The following GMEB2 variants were observed in gnomAD, a reference collection of about 807,000 sequenced individuals.
GMEB2 encodes the protein glucocorticoid modulatory element-binding protein 2.
In GMEB2, 7 loss-of-function variants were observed where a neutral mutation model predicts 45.7. The observed-to-expected ratio is 0.15, with a 90% confidence interval of 0.09 to 0.29. The LOEUF is 0.29. Among genes scored for constraint, GMEB2 ranks in the 10% least tolerant of loss-of-function variants. The probability of loss-of-function intolerance (pLI) is 1.00; values close to 1 mark genes in which losing one functional copy is unlikely to be tolerated. For missense variants in GMEB2, 582 were observed against 739.2 expected (o/e 0.79, Z 2.47); for synonymous variants, 322 against 323.6 (o/e 1.00, Z 0.05).
At chr20:63,620,691 C>T (rs3761126) in intron 1 of GMEB2, among the ~76,000 whole-genome samples, 26,050 of 152,072 alleles carry the variant, frequency 0.17, 3,055 homozygotes, top group East Asian at 0.49. Context: ...GGCCTAAGAA[C>T]ACAGACACAG....
rs1312890335 is a variant in GMEB2 at position 63,590,677 on chromosome 20, G to A, written c.1005C>T (p.His335=). The change falls in exon 10 of 10, where the codon CAC becomes CAT. Residue 335 remains histidine, a synonymous_variant. Coordinates refer to ENST00000370077, the MANE Select transcript of GMEB2 (RefSeq NM_012384.5). ...GCACGTTGCTGAGGTGCTGGGACTT[G>A]TGCTTCAGCTCCTTGGCTCGGCGAC... ...EHRRRAKELK[H]KSQHLSNVLM... 1.3e-6 allele frequency: 2 copies of A among 1,540,840 alleles called. No individual in the cohort carries two copies. Among genetic ancestry groups the A allele is most frequent in the Admixed American group, 4.0e-5 (2 of 49,416 alleles).
At chr20:63,622,820 C>T (rs1394608028) in intron 1 of GMEB2, among the ~76,000 whole-genome samples, 1 of 152,190 alleles carries the variant, frequency 6.6e-6, no homozygotes, top group East Asian at 1.9e-4. Flanking sequence ...GAAGGAAAGA[C>T]CCATTCTCAA....
chr20:63,626,743 G>T (rs1178518776), intron 1 of GMEB2, among the ~76,000 whole-genome samples: 2 of 147,890 alleles, frequency 1.4e-5, no homozygotes, highest in East Asian at 3.9e-4. Context: ...GGCAGGAAGC[G>T]CCGCCGCCCG....
chr20:63,592,574 C>G lies in GMEB2; in HGVS notation c.788G>C (p.Gly263Ala). Residue 263 changes from glycine (G) to alanine (A), a missense_variant, in exon 8 of 10, where the codon GGC (glycine) becomes GCC (alanine). This residue lies in a region of GMEB2 where 462 missense variants were observed against 586.7 expected (regional missense o/e 0.79). Transcript: ENST00000370077. This position sits in a 1 kb window ranked among gnomAD's most constrained non-coding sequence, Gnocchi z 8.2. ...FHQELVETMR[G>A]LQQRVQDPPL... Reference sequence around the variant, plus strand: ...AGGGTCCTGGACCCGCTGCTGCAGGCCTCTCATGGTCTCCACCAGCTCCTG... The same window carrying G: ...AGGGTCCTGGACCCGCTGCTGCAGGGCTCTCATGGTCTCCACCAGCTCCTG... The G allele has an allele frequency of 6.2e-7, 1 of 1,612,270 alleles. No homozygotes were observed. The highest frequency in any genetic ancestry group is 8.5e-7 in the Non-Finnish European group (1 of 1,178,510).
chr20:63,610,797 C>T (rs2089563902), intron 2 of GMEB2, among the ~76,000 whole-genome samples: 1 of 152,202 alleles, frequency 6.6e-6, no homozygotes, highest in South Asian at 2.1e-4. Context: ...TTCATGGCTC[C>T]CTCCATCAAG....
intron 4 of GMEB2, among the ~76,000 whole-genome samples, chr20:63,598,253 C>T (rs2083214530): frequency 6.6e-6 from 1 of 152,094 alleles, no homozygotes; most frequent in Non-Finnish European, 1.5e-5. Flanking sequence ...GATGCCAGCA[C>T]ATGGGTGGAG....
In GMEB2 at chr20:63,590,463, A is replaced by G; in HGVS notation, c.1219T>C (p.Ser407Pro). 1 of 1,515,422 alleles carries G rather than the reference A, an allele frequency of 6.6e-7. No homozygotes were observed. The highest frequency in any genetic ancestry group is 8.9e-7 in the Non-Finnish European group (1 of 1,125,846). The allele number at this position is 1,515,422 out of a possible 1,614,324, so 93.9% of individuals were successfully genotyped here. The part of the protein sequence containing the change: ...PLGKVVSTLP[S>P]TVLGKGSLQA... Reference sequence around the variant, plus strand: ...AGGGAACCCTTGCCCAGGACGGTGGACGGCAGGGTGGACACCACTTTACCA... The same window carrying G: ...AGGGAACCCTTGCCCAGGACGGTGGGCGGCAGGGTGGACACCACTTTACCA... Residue 407 changes from serine to proline, a missense_variant, in exon 10 of 10, where the codon TCC becomes CCC. This residue lies in a region of GMEB2 where 462 missense variants were observed against 586.7 expected (regional missense o/e 0.79). Coordinates refer to ENST00000370077, the MANE Select transcript of GMEB2 (RefSeq NM_012384.5).
chr20:63,597,221 G>C (rs1367115104), intron 5 of GMEB2, among the ~76,000 whole-genome samples: 1 of 147,308 alleles, frequency 6.8e-6, no homozygotes, highest in East Asian at 2.0e-4. Flanking sequence ...TATTGCAGTG[G>C]CACAATCACA....
In GMEB2 at chr20:63,588,603, TG is replaced by T. The variant is rs1226343357; in HGVS notation, c.*1485del. On this transcript the variant is annotated 3_prime_UTR_variant, in exon 10 of 10. Transcript: ENST00000370077. ...GGTGAGGGCAGCCAGGACAGGGCCCTGGTGACAATGGCGCAGAGGTGGGGTC... is the reference window on the plus strand; with the variant it reads ...GGTGAGGGCAGCCAGGACAGGGCCCTGTGACAATGGCGCAGAGGTGGGGTC... 4 of 397,700 alleles carry T rather than the reference TG, an allele frequency of 1.0e-5. No individual in the cohort carries two copies. The highest frequency in any genetic ancestry group is 8.2e-5 in the African/African-American group (4 of 48,624). 24.6% of individuals were successfully genotyped at this position (397,700 alleles called of 1,614,324 possible).
At chr20:63,620,006 G>A (rs2089634573) in intron 1 of GMEB2, 1 of 152,394 alleles carries the variant, frequency 6.6e-6, no homozygotes, top group African/African-American at 2.4e-5. Context: ...GGAATGCAGT[G>A]GCACGACCTC....
At chr20:63,623,947 T>C (rs2089654527) in intron 1 of GMEB2, among the ~76,000 whole-genome samples, 2 of 149,192 alleles carry the variant, frequency 1.3e-5, no homozygotes, top group Non-Finnish European at 3.0e-5. Flanking sequence ...TTGTCTCTAC[T>C]GAAAACACAA....
At chr20:63,618,457 C>T (rs2089623982) in intron 2 of GMEB2, among the ~76,000 whole-genome samples, 1 of 152,290 alleles carries the variant, frequency 6.6e-6, no homozygotes, top group East Asian at 1.9e-4. Flanking sequence ...GGGCCAGGTC[C>T]TCCCAGGCAG....
At chr20:63,599,162 CCAG>C (rs2083222538) in intron 4 of GMEB2, among the ~76,000 whole-genome samples, 1 of 152,164 alleles carries the variant, frequency 6.6e-6, no homozygotes, top group African/African-American at 2.4e-5. Context: ...TCCTGACCCT[CCAG>C]CGCTAACGCG....
intron 3 of GMEB2, 54 bp downstream of exon 3, chr20:63,604,689 T>C: frequency 1.1e-6 from 1 of 950,312 alleles, no homozygotes; most frequent in South Asian, 1.3e-5. Context: ...TGCAGGACTG[T>C]CCTGTCCCTG....
In GMEB2 at chr20:63,590,490, G is replaced by A. The variant is rs1242737841; in HGVS notation, c.1192C>T (p.Leu398Phe). 3 of 1,501,630 alleles carry A rather than the reference G, an allele frequency of 2.0e-6. No individual in the cohort carries two copies. Among genetic ancestry groups the A allele is most frequent in the South Asian group, 2.6e-5 (2 of 76,554 alleles). 93.0% of individuals were successfully genotyped at this position (1,501,630 alleles called of 1,614,324 possible). Reference sequence around the variant, plus strand: ...GGCAGGGTGGACACCACTTTACCAAGGGGCACGCTGGTCAGCTGGGGGACG... The same window carrying A: ...GGCAGGGTGGACACCACTTTACCAAAGGGCACGCTGGTCAGCTGGGGGACG... ...VPVPQLTSVP[L>F]GKVVSTLPST... The change falls in exon 10 of 10, where the codon CTT (leucine) becomes TTT (phenylalanine). Residue 398 changes from leucine to phenylalanine, a missense_variant. Leu to Phe is a conservative substitution (Grantham distance 22, BLOSUM62 0). Around this residue, in one of 3 missense-constraint regions of GMEB2, gnomAD observed 462 missense variants for 586.7 expected, o/e 0.79. Coordinates refer to ENST00000370077, the MANE Select transcript of GMEB2 (RefSeq NM_012384.5).
chr20:63,601,248 G>A (rs2083239494), intron 4 of GMEB2, among the ~76,000 whole-genome samples: 1 of 152,180 alleles, frequency 6.6e-6, no homozygotes, highest in Non-Finnish European at 1.5e-5. Flanking sequence ...CTACATGCAG[G>A]CAGTGGGGTC....
Position 63,597,737 on chromosome 20 carries a change from G to A in GMEB2, c.461+20C>T. Reference sequence around the variant, plus strand: ...CAGGGCCCCTTCCAGCAGGGAGGCTGACCCTGCGCCAGCGCCCACCTGAGC... The same window carrying A: ...CAGGGCCCCTTCCAGCAGGGAGGCTAACCCTGCGCCAGCGCCCACCTGAGC... On this transcript the variant is annotated intron_variant, in intron 5 of 9. Coordinates refer to ENST00000370077, the MANE Select transcript of GMEB2 (RefSeq NM_012384.5). The A allele has an allele frequency of 7.2e-7, 1 of 1,382,752 alleles. No individual in the cohort carries two copies. The highest frequency in any genetic ancestry group is 1.0e-6 in the Non-Finnish European group (1 of 969,020). The allele number at this position is 1,382,752 out of a possible 1,614,324, so 85.7% of individuals were successfully genotyped here.
In GMEB2 at chr20:63,615,665, G is replaced by A. The variant is rs767468005; in HGVS notation, c.131+3602C>T. On this transcript the variant is annotated intron_variant, in intron 2 of 9. Transcript: ENST00000370077. Reference sequence around the variant, plus strand: ...TTTAAATTTGAATTGAATATTAGAAGAGATGAAAATTCATCAACATGGAAA... The same window carrying A: ...TTTAAATTTGAATTGAATATTAGAAAAGATGAAAATTCATCAACATGGAAA... 2.2e-4 allele frequency among the ~76,000 whole-genome samples: 33 copies of A among 152,036 alleles called. 1 individual carries two copies. Among genetic ancestry groups the A allele is most frequent in the Non-Finnish European group, 2.9e-4 (20 of 68,002 alleles).
Position 63,592,097 on chromosome 20 carries a change from G to C in GMEB2, c.877C>G (p.Leu293Val). ...TGGCTGGCCAGCACCTTCTTCACCA[G>C]GTCCAGCATGCCGAAGTTCTGCACG... is the stretch of plus-strand genomic sequence containing the variant. ...NIVQNFGMLD[L>V]VKKVLASHKC... The change falls in exon 9 of 10, where the codon CTG becomes GTG. Residue 293 changes from leucine to valine, a missense_variant. Physicochemically the swap from Leu to Val is conservative, Grantham distance 32. Coordinates refer to ENST00000370077, the MANE Select transcript of GMEB2 (RefSeq NM_012384.5). The surrounding 1 kb of genome is among the most constrained non-coding windows in gnomAD (Gnocchi z 8.2). 1 of 1,613,244 alleles carries C rather than the reference G, an allele frequency of 6.2e-7. No individual in the cohort carries two copies. Among genetic ancestry groups the C allele is most frequent in the Non-Finnish European group, 8.5e-7 (1 of 1,179,508 alleles).
Sources: gnomAD v4.1 joint callset for allele counts (sites outside exome capture counted in the v4.1 genomes callset) on GRCh38, gnomAD v4.1.1 for gene constraint, gnomAD v4.1.1 regional missense constraint, Gnocchi (gnomAD v3.1) non-coding constraint, MANE v1.5 for transcripts, NCBI Gene and HGNC (gene_info 2026-07-23, HGNC 2026-07-21) for gene names.